The following FSTL4 variants were observed in gnomAD, a reference collection of about 807,000 sequenced individuals.
FSTL4 encodes the protein follistatin-related protein 4.
In FSTL4, 28 loss-of-function variants were observed where a neutral mutation model predicts 78.2. The ratio of observed to expected loss-of-function variants is 0.36; its 90% confidence interval spans 0.27 to 0.49. The LOEUF (loss-of-function observed/expected upper bound fraction) is 0.49. Ranked by LOEUF, FSTL4 falls within the 20% of genes least tolerant of loss-of-function variation. The pLI is 0.98. For synonymous variants in FSTL4, 422 were observed against 440.5 expected (o/e 0.96, Z 0.53); for missense variants, 922 against 1,084.9 (o/e 0.85, Z 2.11).
the FSTL4 span, among the ~76,000 whole-genome samples, chr5:133,801,794 TA>T: frequency 6.6e-6 from 1 of 152,252 alleles, no homozygotes; most frequent in Non-Finnish European, 1.5e-5. Flanking sequence ...CTGAGGGCTC[TA>T]GTGGGACAGA....
intron 4 of FSTL4, among the ~76,000 whole-genome samples, chr5:133,374,015 C>T (rs997864183): frequency 6.6e-6 from 1 of 152,180 alleles, no homozygotes; most frequent in African/African-American, 2.4e-5. Context: ...TTGCCTCTGC[C>T]TGACCTGAAA....
intron 2 of FSTL4, among the ~76,000 whole-genome samples, chr5:133,586,246 T>C (rs1178750255): frequency 9.6e-6 from 1 of 104,546 alleles, no homozygotes; most frequent in African/African-American, 3.3e-5. Flanking sequence ...AGTAAACACA[T>C]TCAAAAGCTA....
At chr5:133,803,632 C>T in the FSTL4 span, among the ~76,000 whole-genome samples, 11 of 152,308 alleles carry the variant, frequency 7.2e-5, no homozygotes, top group East Asian at 2.1e-3. Flanking sequence ...GAAGCATGGT[C>T]TTTCTGGGTG....
At chr5:133,265,130 G>C (rs1752615373) in intron 6 of FSTL4, among the ~76,000 whole-genome samples, 1 of 152,018 alleles carries the variant, frequency 6.6e-6, no homozygotes. Flanking sequence ...GGGTGGGTCT[G>C]TGCAGCACCA....
intron 3 of FSTL4, among the ~76,000 whole-genome samples, chr5:133,445,689 C>T (rs1470804033): frequency 6.6e-6 from 1 of 152,182 alleles, no homozygotes; most frequent in African/African-American, 2.4e-5. Context: ...GGGCTTCAAT[C>T]GGGGGCTTTC....
the FSTL4 span, among the ~76,000 whole-genome samples, chr5:133,811,725 T>C: frequency 6.6e-6 from 1 of 152,224 alleles, no homozygotes; most frequent in African/African-American, 2.4e-5. Flanking sequence ...CCCTAAAGCC[T>C]CAGGTTTCCA....
chr5:133,382,212 C>G (rs1755590420), intron 4 of FSTL4, among the ~76,000 whole-genome samples: 1 of 152,180 alleles, frequency 6.6e-6, no homozygotes, highest in Non-Finnish European at 1.5e-5. Flanking sequence ...TCTCAGATGC[C>G]TGGCCTTCCC....
At chr5:133,477,316 A>C (rs1269867840) in intron 3 of FSTL4, among the ~76,000 whole-genome samples, 1 of 152,246 alleles carries the variant, frequency 6.6e-6, no homozygotes, top group East Asian at 1.9e-4. Context: ...CAGATAACCA[A>C]TAAGCAGTTC....
the FSTL4 span, among the ~76,000 whole-genome samples, chr5:133,769,073 A>G: frequency 0.054 from 8,153 of 152,270 alleles, 263 homozygotes; most frequent in African/African-American, 0.064. Context: ...GCTTCAAAGA[A>G]AGTTCTTTGG....
chr5:133,430,304 T>A (rs1580703716), intron 3 of FSTL4, among the ~76,000 whole-genome samples: 1 of 152,220 alleles, frequency 6.6e-6, no homozygotes, highest in East Asian at 1.9e-4. Flanking sequence ...CCAGTTTGAG[T>A]GGCCCTGTGG....
At chr5:133,780,278 G>A in the FSTL4 span, among the ~76,000 whole-genome samples, 2 of 152,090 alleles carry the variant, frequency 1.3e-5, no homozygotes, top group African/African-American at 4.8e-5. Context: ...TGGGGATATG[G>A]GCAGAGCAGC....
At chr5:133,732,775 A>G in the FSTL4 span, among the ~76,000 whole-genome samples, 1 of 152,168 alleles carries the variant, frequency 6.6e-6, no homozygotes, top group African/African-American at 2.4e-5. Context: ...TGCACGGCCC[A>G]CAGTGCAGGG....
rs527828398 is a variant in FSTL4, at chr5:133,269,465, A to C, written c.728-19889T>G. 4.6e-5 allele frequency among the ~76,000 whole-genome samples: 7 copies of C among 152,364 alleles called. No individual in the cohort carries two copies. The East Asian group carries it at 1.3e-3, about 29-fold the overall frequency. The stretch of plus-strand genomic sequence containing the variant: ...TTCTTATGTGCAGTAGTGTACAATT[A>C]GCATGTATTACTTTGAACAAAATAT... On this transcript the variant is annotated intron_variant, in intron 6 of 15. Coordinates refer to ENST00000265342, the MANE Select transcript of FSTL4 (RefSeq NM_015082.2).
At chr5:133,373,439 T>TTG (rs1554109074) in intron 4 of FSTL4, among the ~76,000 whole-genome samples, 1 of 152,174 alleles carries the variant, frequency 6.6e-6, no homozygotes, top group African/African-American at 2.4e-5. Flanking sequence ...AATCCATGAG[T>TTG]AACACCACCA....
At chr5:133,638,283 T>A in the FSTL4 span, among the ~76,000 whole-genome samples, 1 of 151,928 alleles carries the variant, frequency 6.6e-6, no homozygotes, top group Non-Finnish European at 1.5e-5. Flanking sequence ...CCCTCCTCAC[T>A]CCCCAGGACT....
the FSTL4 span, among the ~76,000 whole-genome samples, chr5:133,739,676 C>T: frequency 1.3e-5 from 2 of 152,214 alleles, no homozygotes; most frequent in Non-Finnish European, 2.9e-5. Flanking sequence ...TACTGAGCAC[C>T]AACCACGTCC....
chr5:133,405,128 TGTTC>T (rs1482616661), intron 3 of FSTL4, among the ~76,000 whole-genome samples: 2 of 152,166 alleles, frequency 1.3e-5, no homozygotes, highest in African/African-American at 4.8e-5. Context: ...CTCAGCCAGA[TGTTC>T]TGCCTAGGCC....
chr5:133,515,492 T>C (rs1283396629), intron 3 of FSTL4, among the ~76,000 whole-genome samples: 2 of 150,420 alleles, frequency 1.3e-5, no homozygotes, highest in African/African-American at 2.4e-5. Context: ...GAGATGATAA[T>C]AAAATAACAA....
At chr5:133,411,429 A>G (rs778590672) in intron 3 of FSTL4, among the ~76,000 whole-genome samples, 8 of 152,196 alleles carry the variant, frequency 5.3e-5, no homozygotes, top group African/African-American at 9.6e-5. Flanking sequence ...CACTATTGAG[A>G]TGTCAAGTCT....
Sources: gnomAD v4.1 joint callset for allele counts (sites outside exome capture counted in the v4.1 genomes callset) on GRCh38, gnomAD v4.1.1 for gene constraint, MANE v1.5 for transcripts, NCBI Gene and HGNC (gene_info 2026-07-23, HGNC 2026-07-21) for gene names.